SLC24A2: variants seen among roughly 807,000 people sequenced by gnomAD.
The protein encoded by SLC24A2 is solute carrier family 24 member 2.
A neutral mutation model predicts 62.0 loss-of-function variants in SLC24A2; 36 were observed. The ratio of observed to expected loss-of-function variants is 0.58; its 90% CI spans 0.44 to 0.77. The LOEUF is 0.77. Among genes scored for constraint, SLC24A2 ranks in the 30% least tolerant of loss-of-function variants. The probability of loss-of-function intolerance (pLI) is 0.00; values close to 1 mark genes in which losing one functional copy is unlikely to be tolerated. For synonymous variants in SLC24A2, 358 were observed against 294.0 expected (o/e 1.22, Z -2.23); for missense variants, 846 against 817.9 (o/e 1.03, Z -0.42).
At chr9:20,029,486 T>C in the SLC24A2 span, among the ~76,000 whole-genome samples, 1 of 152,198 alleles carries the variant, frequency 6.6e-6, no homozygotes, top group Non-Finnish European at 1.5e-5. Context: ...CCTCAGTCCA[T>C]CTGACTGCAG....
chr9:20,212,159 A>C, the SLC24A2 span, among the ~76,000 whole-genome samples: 1 of 151,240 alleles, frequency 6.6e-6, no homozygotes, highest in Non-Finnish European at 1.5e-5. Flanking sequence ...TCTTCCCAAA[A>C]TAGATATCAA....
At chr9:20,115,447 C>A in the SLC24A2 span, among the ~76,000 whole-genome samples, 1 of 152,182 alleles carries the variant, frequency 6.6e-6, no homozygotes, top group East Asian at 1.9e-4. Context: ...CTTAGAAAGA[C>A]CCTGATTCTG....
the SLC24A2 span, among the ~76,000 whole-genome samples, chr9:19,911,252 G>A: frequency 1.6e-4 from 24 of 151,968 alleles, no homozygotes; most frequent in Non-Finnish European, 2.6e-4. Flanking sequence ...TGAACTCATC[G>A]TTTTTTATGG....
chr9:20,089,674 C>G, the SLC24A2 span, among the ~76,000 whole-genome samples: 2 of 151,934 alleles, frequency 1.3e-5, no homozygotes, highest in South Asian at 2.1e-4. Flanking sequence ...CCAGAGGCAT[C>G]TGACAGCCCC....
intron 2 of SLC24A2, among the ~76,000 whole-genome samples, chr9:19,746,479 G>GTAATT (rs1449965312): frequency 6.6e-6 from 1 of 152,080 alleles, no homozygotes; most frequent in Non-Finnish European, 1.5e-5. Context: ...GTGACTAACT[G>GTAATT]TAATTGAATT....
At chr9:20,069,390 A>G in the SLC24A2 span, among the ~76,000 whole-genome samples, 1 of 152,350 alleles carries the variant, frequency 6.6e-6, no homozygotes, top group East Asian at 1.9e-4. Flanking sequence ...AGATAATACC[A>G]TATATAATTG....
chr9:19,645,310 G>T (rs1818610834), intron 2 of SLC24A2, among the ~76,000 whole-genome samples: 1 of 152,150 alleles, frequency 6.6e-6, no homozygotes, highest in African/African-American at 2.4e-5. Context: ...GGTGGTTCAT[G>T]ATTGTAAAAT....
Position 19,786,619 on chromosome 9 carries a change from T to C in SLC24A2, c.248A>G (p.His83Arg). The change falls in exon 2 of 11, where the codon CAT becomes CGT. Residue 83 changes from histidine to arginine, a missense_variant. By Grantham distance (29) the His-to-Arg change is conservative (BLOSUM62 0). Transcript: ENST00000341998. This position sits in a 1 kb window ranked among gnomAD's most constrained non-coding sequence, Gnocchi z 5.0. ...VSGPRVAQGY[H>R]QRTLLDLNDK... Reference sequence around the variant, plus strand: ...ATTTAAATCTAAGAGAGTTCTCTGATGGTAACCCTGTGCTACCCTAGGGCC... The same window carrying C: ...ATTTAAATCTAAGAGAGTTCTCTGACGGTAACCCTGTGCTACCCTAGGGCC... 1 of 1,614,186 alleles carries C rather than the reference T, an allele frequency of 6.2e-7. No individual in the cohort carries two copies. Among genetic ancestry groups the C allele is most frequent in the Non-Finnish European group, 8.5e-7 (1 of 1,180,010 alleles).
At chr9:19,854,405 T>G in the SLC24A2 span, among the ~76,000 whole-genome samples, 1 of 152,200 alleles carries the variant, frequency 6.6e-6, no homozygotes, top group Non-Finnish European at 1.5e-5. Flanking sequence ...ATTTGAGATC[T>G]TTCTGGCTTT....
chr9:20,275,858 C>T, the SLC24A2 span, among the ~76,000 whole-genome samples: 1,438 of 152,174 alleles, frequency 9.4e-3, 9 homozygotes, highest in Non-Finnish European at 0.013. Context: ...GAAGACAGCA[C>T]GTGTGAGGGA....
intron 2 of SLC24A2, among the ~76,000 whole-genome samples, chr9:19,716,214 A>G (rs889093270): frequency 2.0e-5 from 3 of 152,070 alleles, no homozygotes; most frequent in African/African-American, 7.2e-5. Flanking sequence ...GCAAGATACC[A>G]TGTGCAACAC....
chr9:19,934,791 G>A, the SLC24A2 span, among the ~76,000 whole-genome samples: 1 of 152,120 alleles, frequency 6.6e-6, no homozygotes, highest in African/African-American at 2.4e-5. This position sits in a 1 kb window ranked among gnomAD's most constrained non-coding sequence, Gnocchi z 4.1. Context: ...GTAACGAACC[G>A]AGCGGGGCGT....
the SLC24A2 span, among the ~76,000 whole-genome samples, chr9:19,959,079 G>A: frequency 9.4e-3 from 1,423 of 152,126 alleles, 30 homozygotes; most frequent in African/African-American, 0.033. Context: ...TTTGCTTTTC[G>A]CTAACCCATC....
intron 4 of SLC24A2, among the ~76,000 whole-genome samples, chr9:19,615,499 T>C (rs1817744247): frequency 6.6e-6 from 1 of 152,206 alleles, no homozygotes; most frequent in African/African-American, 2.4e-5. Context: ...TTTTGGCTGT[T>C]CTCGGAATGG....
chr9:19,765,843 G>C (rs1822498166), intron 2 of SLC24A2, among the ~76,000 whole-genome samples: 1 of 152,176 alleles, frequency 6.6e-6, no homozygotes, highest in African/African-American at 2.4e-5. Context: ...ATGTTGGCCT[G>C]CCTTGCTAGG....
the SLC24A2 span, among the ~76,000 whole-genome samples, chr9:19,850,978 TA>T: frequency 2.0e-4 from 9 of 43,978 alleles, 1 homozygote; most frequent in Admixed American, 5.0e-4. Context: ...TATATATATA[TA>T]TATATGTATA....
intron 2 of SLC24A2, among the ~76,000 whole-genome samples, chr9:19,677,215 G>C (rs115458834): frequency 1.3e-5 from 2 of 152,238 alleles, no homozygotes; most frequent in Admixed American, 1.3e-4. Flanking sequence ...TAAAGAAAAT[G>C]TAGTACGTAT....
the SLC24A2 span, among the ~76,000 whole-genome samples, chr9:20,148,162 G>A: frequency 1.3e-5 from 2 of 151,938 alleles, no homozygotes; most frequent in East Asian, 2.0e-4. Flanking sequence ...TTTTTACATC[G>A]ATTTGAAAGG....
chr9:19,819,458 G>A, the SLC24A2 span, among the ~76,000 whole-genome samples: 2 of 151,982 alleles, frequency 1.3e-5, no homozygotes, highest in African/African-American at 4.8e-5. Context: ...ATCTGACAAA[G>A]CACTAATACC....
Sources: gnomAD v4.1 joint callset for allele counts (sites outside exome capture counted in the v4.1 genomes callset) on GRCh38, gnomAD v4.1.1 for gene constraint, Gnocchi (gnomAD v3.1) non-coding constraint, MANE v1.5 for transcripts, NCBI Gene and HGNC (gene_info 2026-07-23, HGNC 2026-07-21) for gene names.